SLC7A14: variants seen among roughly 807,000 people sequenced by gnomAD.
SLC7A14 encodes the protein gamma-aminobutyric acid transporter SLC7A14.
Under a neutral mutation model 60.2 loss-of-function variants are expected in SLC7A14, and 37 were observed. That is an observed-to-expected ratio of 0.61 (90% CI 0.47 to 0.81). SLC7A14 has a LOEUF of 0.81. SLC7A14 is among the 30% of genes least tolerant of loss of function. The probability of loss-of-function intolerance (pLI) is 0.00; values close to 1 mark genes in which losing one functional copy is unlikely to be tolerated. For synonymous variants in SLC7A14, 399 were observed against 395.8 expected (o/e 1.01, Z -0.10); for missense variants, 886 against 982.7 (o/e 0.90, Z 1.32).
chr3:170,556,538 A>G (rs561387539), intron 1 of SLC7A14, among the ~76,000 whole-genome samples: 1 of 152,278 alleles, frequency 6.6e-6, no homozygotes, highest in East Asian at 1.9e-4. Context: ...AGGGTTTTTA[A>G]TGGTCACAGC....
chr3:170,526,858 G>C lies in SLC7A14; in HGVS notation c.79C>G (p.Leu27Val). 6.2e-7 allele frequency: 1 copy of C among 1,614,092 alleles called. No individual in the cohort carries two copies. The highest frequency in any genetic ancestry group is 8.5e-7 in the Non-Finnish European group (1 of 1,179,992). The change falls in exon 2 of 8, where the codon CTA becomes GTA. Residue 27 changes from leucine (L) to valine (V), a missense_variant. Physicochemically the swap from Leu to Val is conservative, Grantham distance 32. Transcript: ENST00000231706. ...AAWYAMHSRI[L>V]RTKPVESMLE... ...ATGGACTCCACTGGTTTGGTGCGTA[G>C]GATCCTGGAGTGCATTGCATACCAG... is the stretch of plus-strand genomic sequence containing the variant.
At chr3:170,584,414 A>G (rs951139139) in intron 1 of SLC7A14, among the ~76,000 whole-genome samples, 1 of 152,140 alleles carries the variant, frequency 6.6e-6, no homozygotes, top group Non-Finnish European at 1.5e-5. Flanking sequence ...GCCTTTCAAC[A>G]CTTTACCGAC....
At chr3:170,579,999 G>A (rs1715193323) in intron 1 of SLC7A14, among the ~76,000 whole-genome samples, 1 of 152,228 alleles carries the variant, frequency 6.6e-6, no homozygotes, top group South Asian at 2.1e-4. Context: ...AGAAGGGCTA[G>A]AAGTGTGGTT....
chr3:170,472,493 C>T (rs548917587), intron 7 of SLC7A14, among the ~76,000 whole-genome samples: 17 of 152,080 alleles, frequency 1.1e-4, no homozygotes, highest in Non-Finnish European at 2.2e-4. Context: ...AGGCCGGGCA[C>T]GGTGGCTCAC....
At position 170,467,164 on chromosome 3, in the gene SLC7A14, T is replaced by C. The variant is rs1342213097; in HGVS notation, c.2207A>G (p.Asp736Gly). 2 of 1,614,052 alleles carry C rather than the reference T, an allele frequency of 1.2e-6. No individual in the cohort carries two copies. Among genetic ancestry groups the C allele is most frequent in the South Asian group, 2.2e-5 (2 of 91,082 alleles). The change falls in exon 8 of 8, where the codon GAT becomes GGT. Residue 736 changes from aspartate to glycine, a missense_variant. Asp to Gly is a moderately conservative substitution (Grantham distance 94). Coordinates refer to ENST00000231706, the MANE Select transcript of SLC7A14 (RefSeq NM_020949.3). The stretch of plus-strand genomic sequence containing the variant: ...ACTTGTCCGGCCGTTTGCCTTCGCA[T>C]CTGACATCTGTTGGTAATAGAAGCC... ...DKGFYYQQMSDAKANGRTSSK... is the reference protein window; with the variant it reads ...DKGFYYQQMSGAKANGRTSSK...
At chr3:170,470,308 A>ATGTGTGTGTGTG (rs60682275) in intron 7 of SLC7A14, among the ~76,000 whole-genome samples, 28,196 of 143,340 alleles carry the variant, frequency 0.2, 3,118 homozygotes, top group East Asian at 0.28. Flanking sequence ...TGGAAGGAAC[A>ATGTGTGTGTGTG]TGTGTGTGTG....
rs1393557989 is a variant in SLC7A14, at chr3:170,480,769, T to A, written c.1513A>T (p.Asn505Tyr). ...GTGCCGTAATTGGGGTGGTTGACGT[T>A]GTAGGTTGACTTGTCTGATTTCCCT... ...LIGKSDKSTY[N>Y]VNHPNYGTVD... The change falls in exon 7 of 8, where the codon AAC (asparagine) becomes TAC (tyrosine). Residue 505 changes from asparagine (N) to tyrosine (Y), a missense_variant. By Grantham distance (143) the Asn-to-Tyr change is moderately radical. Coordinates refer to ENST00000231706, the MANE Select transcript of SLC7A14 (RefSeq NM_020949.3). The A allele has an allele frequency of 6.2e-7, 1 of 1,614,196 alleles. No homozygotes were observed. Among genetic ancestry groups the A allele is most frequent in the Admixed American group, 1.7e-5 (1 of 60,024 alleles).
At chr3:170,516,850 A>T (rs1378107083) in intron 2 of SLC7A14, among the ~76,000 whole-genome samples, 1 of 152,188 alleles carries the variant, frequency 6.6e-6, no homozygotes, top group Non-Finnish European at 1.5e-5. Flanking sequence ...AAGCAGGCTG[A>T]ATCATATTTA....
At chr3:170,505,701 C>G (rs1048898987) in intron 2 of SLC7A14, among the ~76,000 whole-genome samples, 1 of 152,122 alleles carries the variant, frequency 6.6e-6, no homozygotes, top group African/African-American at 2.4e-5. Flanking sequence ...GCCTGGCCAA[C>G]ATGGTGAAAC....
intron 1 of SLC7A14, among the ~76,000 whole-genome samples, chr3:170,583,474 A>T (rs1459689568): frequency 2.0e-5 from 3 of 152,254 alleles, no homozygotes; most frequent in Non-Finnish European, 4.4e-5. Flanking sequence ...AGAAAGCAGT[A>T]TGGAAGAGTA....
At chr3:170,528,345 G>A (rs1156474766) in intron 1 of SLC7A14, among the ~76,000 whole-genome samples, 2 of 152,112 alleles carry the variant, frequency 1.3e-5, no homozygotes, top group Admixed American at 6.5e-5. Context: ...TTTGGAAGCC[G>A]GAAGCTGGAG....
intron 2 of SLC7A14, among the ~76,000 whole-genome samples, chr3:170,522,362 A>G (rs527566253): frequency 2.0e-5 from 3 of 152,248 alleles, no homozygotes; most frequent in Non-Finnish European, 4.4e-5. Flanking sequence ...GTTTATTTAC[A>G]TCGGCCAAAG....
At chr3:170,486,906 T>G (rs1560254365) in intron 4 of SLC7A14, among the ~76,000 whole-genome samples, 1 of 150,470 alleles carries the variant, frequency 6.6e-6, no homozygotes, top group South Asian at 2.1e-4. Flanking sequence ...TGGCTCTTAG[T>G]GTAGGGGATT....
chr3:170,577,566 C>A (rs987676464), intron 1 of SLC7A14, among the ~76,000 whole-genome samples: 1 of 143,406 alleles, frequency 7.0e-6, no homozygotes, highest in African/African-American at 2.6e-5. Context: ...TGCAGTGAGC[C>A]GAGATTGCGC....
rs1713719035 is a variant in SLC7A14, at chr3:170,532,768, C to G, written c.-152-5680G>C. On this transcript the variant is annotated intron_variant, in intron 1 of 7. Coordinates refer to ENST00000231706, the MANE Select transcript of SLC7A14 (RefSeq NM_020949.3). The surrounding 1 kb of genome is among the most constrained non-coding windows in gnomAD (Gnocchi z 4.0). ...TCTCAGAGGGCCCTTGGCCTGATGC[C>G]AAGTCCTTAATCAGGGCTTTTTTCT... Among the ~76,000 whole-genome samples, 1 of 152,126 alleles carries G rather than the reference C, an allele frequency of 6.6e-6. No homozygotes were observed. Among genetic ancestry groups the G allele is most frequent in the Non-Finnish European group, 1.5e-5 (1 of 68,030 alleles).
intron 1 of SLC7A14, among the ~76,000 whole-genome samples, chr3:170,582,768 T>C (rs1034424465): frequency 6.6e-6 from 1 of 152,214 alleles, no homozygotes; most frequent in African/African-American, 2.4e-5. Context: ...TCATTTGAAC[T>C]GAATTTGAAT....
Position 170,467,355 on chromosome 3 carries a change from A to G in SLC7A14, c.2016T>C (p.Tyr672=), listed in dbSNP as rs756815582. The part of the protein sequence containing the change: ...CFVGLLIYFG[Y]GIWNSTLEIS... ...TTTCCAGGGTGCTGTTCCAGATGCC[A>G]TATCCAAAATAAATGAGCAGACCTG... The change falls in exon 8 of 8, where the codon TAT becomes TAC. Residue 672 remains tyrosine, a synonymous_variant. Transcript: ENST00000231706. 1.2e-5 allele frequency: 20 copies of G among 1,602,886 alleles called. No homozygotes were observed. Among genetic ancestry groups the G allele is most frequent in the South Asian group, 3.3e-5 (3 of 89,670 alleles).
Position 170,480,683 on chromosome 3 carries a change from T to C in SLC7A14, c.1599A>G (p.Leu533=). ...DESENIYLIK[L]KKLIGPHYYT... ...AATAATGAGGCCCAATCAGCTTCTT[T>C]AACTTGATGAGATAAATATTTTCGG... is the stretch of plus-strand genomic sequence containing the variant. Residue 533 remains leucine, a synonymous_variant, in exon 7 of 8, where the codon TTA becomes TTG. Transcript: ENST00000231706. 6.2e-7 allele frequency: 1 copy of C among 1,614,264 alleles called. No homozygotes were observed. Among genetic ancestry groups the C allele is most frequent in the Non-Finnish European group, 8.5e-7 (1 of 1,180,048 alleles).
chr3:170,574,204 C>T (rs1030836896), intron 1 of SLC7A14, among the ~76,000 whole-genome samples: 4 of 152,134 alleles, frequency 2.6e-5, no homozygotes, highest in South Asian at 2.1e-4. Flanking sequence ...TGTCTTAAAA[C>T]GATTCCTGAG....
Sources: allele counts gnomAD v4.1 joint callset (sites outside exome capture counted in the v4.1 genomes callset), GRCh38; gene constraint gnomAD v4.1.1; non-coding constraint Gnocchi (gnomAD v3.1); transcripts MANE v1.5; gene names NCBI Gene and HGNC (gene_info 2026-07-23, HGNC 2026-07-21).